COMMD10: variants seen among roughly 807,000 people sequenced by gnomAD.
COMMD10 encodes the protein COMM domain-containing protein 10.
A neutral mutation model predicts 28.9 loss-of-function variants in COMMD10; 33 were observed. That is an observed-to-expected ratio of 1.14 (90% CI 0.87 to 1.53). The LOEUF is 1.53. COMMD10 is among the 40% of genes most tolerant of loss of function. COMMD10 has a pLI of 0.00. For missense variants in COMMD10, 310 were observed against 233.4 expected (o/e 1.33, Z -2.14); for synonymous variants, 110 against 81.7 (o/e 1.35, Z -1.87).
chr5:116,234,986 AGTCT>A (rs1266505232), intron 5 of COMMD10, among the ~76,000 whole-genome samples: 6 of 152,230 alleles, frequency 3.9e-5, no homozygotes, highest in African/African-American at 1.2e-4. Context: ...ACCTTCACCT[AGTCT>A]GTCTATCTCT....
intron 4 of COMMD10, among the ~76,000 whole-genome samples, chr5:116,117,742 A>G (rs763932214): frequency 5.3e-5 from 8 of 152,164 alleles, no homozygotes; most frequent in Non-Finnish European, 7.4e-5. Flanking sequence ...CTAGGATTAC[A>G]GGTGTGAGCC....
At chr5:116,161,532 A>G (rs1259758805) in intron 5 of COMMD10, among the ~76,000 whole-genome samples, 1 of 152,112 alleles carries the variant, frequency 6.6e-6, no homozygotes, top group Non-Finnish European at 1.5e-5. Flanking sequence ...CTAGTTGCCT[A>G]CTGTTACCCA....
chr5:116,203,114 G>A (rs991679589), intron 5 of COMMD10, among the ~76,000 whole-genome samples: 3 of 152,064 alleles, frequency 2.0e-5, no homozygotes, highest in African/African-American at 7.2e-5. Flanking sequence ...TGGCTAGCCA[G>A]TTTTCCCAGC....
intron 5 of COMMD10, among the ~76,000 whole-genome samples, chr5:116,237,682 C>T (rs6885461): frequency 0.13 from 20,125 of 152,126 alleles, 1,546 homozygotes; most frequent in African/African-American, 0.22. Flanking sequence ...CTGAAGTACT[C>T]TTAGGAAATA....
chr5:116,146,161 G>A lies in COMMD10; in HGVS notation c.510+11983G>A, dbSNP rs190226972. Among the ~76,000 whole-genome samples, 871 of 151,894 alleles carry A rather than the reference G, an allele frequency of 5.7e-3. 8 individuals carry two copies. Among genetic ancestry groups the A allele is most frequent in the African/African-American group, 0.019 (806 of 41,472 alleles). ...TAAAACTTGAAAGCTGGTCTTTTGCGAACCTTTACCCTGCATCACCTTGGA... is the reference window on the plus strand; with the variant it reads ...TAAAACTTGAAAGCTGGTCTTTTGCAAACCTTTACCCTGCATCACCTTGGA... On this transcript the variant is annotated intron_variant, in intron 5 of 6. Coordinates refer to ENST00000274458, the MANE Select transcript of COMMD10 (RefSeq NM_016144.4).
In COMMD10 at chr5:116,277,229, A is replaced by G. The variant is rs75480460; in HGVS notation, c.511-14288A>G. Among the ~76,000 whole-genome samples, 145 of 151,944 alleles carry G rather than the reference A, an allele frequency of 9.5e-4. 1 individual carries two copies. The highest frequency in any genetic ancestry group is 3.4e-3 in the African/African-American group (140 of 41,254). On this transcript the variant is annotated intron_variant, in intron 5 of 6. Coordinates refer to ENST00000274458, the MANE Select transcript of COMMD10 (RefSeq NM_016144.4). ...TATTTCAAACATAAAATAAAACCTT[A>G]TTAGCTCCAGATATACTAAGGATTA...
At chr5:116,201,687 C>T (rs1174515518) in intron 5 of COMMD10, among the ~76,000 whole-genome samples, 1 of 152,020 alleles carries the variant, frequency 6.6e-6, no homozygotes, top group East Asian at 1.9e-4. Context: ...GACCAGAAAC[C>T]AGAAATCCCA....
chr5:116,277,887 C>G (rs1580606601), intron 5 of COMMD10, among the ~76,000 whole-genome samples: 2 of 151,770 alleles, frequency 1.3e-5, no homozygotes, highest in South Asian at 2.1e-4. Context: ...CATAGTAGCT[C>G]CTGAAAGTAC....
chr5:116,217,822 C>T (rs1010131429), intron 5 of COMMD10, among the ~76,000 whole-genome samples: 1 of 152,062 alleles, frequency 6.6e-6, no homozygotes, highest in Non-Finnish European at 1.5e-5. Context: ...GTTTTCCCCA[C>T]ATCAATCCAG....
chr5:116,268,349 A>T (rs1225243524), intron 5 of COMMD10, among the ~76,000 whole-genome samples: 1 of 151,912 alleles, frequency 6.6e-6, no homozygotes, highest in Non-Finnish European at 1.5e-5. Context: ...CACATGAAAA[A>T]ATGCTCATCA....
intron 5 of COMMD10, among the ~76,000 whole-genome samples, chr5:116,139,287 T>C (rs1481044708): frequency 1.3e-5 from 2 of 151,796 alleles, no homozygotes; most frequent in African/African-American, 2.4e-5. Flanking sequence ...TTTATTCTTA[T>C]GTAGTAAGTA....
In COMMD10 at chr5:116,223,301, A is replaced by G. The variant is rs564755853; in HGVS notation, c.511-68216A>G. On this transcript the variant is annotated intron_variant, in intron 5 of 6. Coordinates refer to ENST00000274458, the MANE Select transcript of COMMD10 (RefSeq NM_016144.4). ...TTTATTTAGTATTGAGAAGTATAAG[A>G]TAAGTTAAATGTATACACCAGAGAA... Among the ~76,000 whole-genome samples the G allele has an allele frequency of 1.1e-3, 174 of 152,198 alleles. 1 individual carries two copies. Among genetic ancestry groups the G allele is most frequent in the Non-Finnish European group, 2.0e-3 (136 of 67,996 alleles).
Position 116,255,366 on chromosome 5 carries a change from G to A in COMMD10, c.511-36151G>A, listed in dbSNP as rs181272662. Among the ~76,000 whole-genome samples the A allele has an allele frequency of 2.0e-3, 298 of 151,440 alleles. 5 individuals are homozygous for A. The highest frequency in any genetic ancestry group is 6.4e-3 in the East Asian group (33 of 5,150). On this transcript the variant is annotated intron_variant, in intron 5 of 6. Coordinates refer to ENST00000274458, the MANE Select transcript of COMMD10 (RefSeq NM_016144.4). ...ATGATGTTAGCTGGTTATTTTGCTC[G>A]TTAGTTGATGCAGTTTCTTCCTAGT...
chr5:116,153,879 G>T (rs773806394), intron 5 of COMMD10, among the ~76,000 whole-genome samples: 9 of 152,098 alleles, frequency 5.9e-5, no homozygotes. Context: ...TAAAGGGTTG[G>T]GTTGAGAATT....
chr5:116,130,200 G>T (rs1751819106), intron 4 of COMMD10, among the ~76,000 whole-genome samples: 1 of 151,852 alleles, frequency 6.6e-6, no homozygotes. Flanking sequence ...TGTAGAATGT[G>T]CTTACTGTAT....
At chr5:116,268,149 A>G (rs1205896490) in intron 5 of COMMD10, among the ~76,000 whole-genome samples, 3 of 151,988 alleles carry the variant, frequency 2.0e-5, no homozygotes, top group Admixed American at 1.3e-4. Flanking sequence ...AACTACCATT[A>G]GAATGAACAG....
chr5:116,257,116 A>C (rs1422560907), intron 5 of COMMD10, among the ~76,000 whole-genome samples: 2 of 151,804 alleles, frequency 1.3e-5, no homozygotes, highest in Non-Finnish European at 2.9e-5. Flanking sequence ...TGAGAGATCA[A>C]GAAATGGGTC....
In COMMD10 at chr5:116,257,305, C is replaced by G. The variant is rs749497571; in HGVS notation, c.511-34212C>G. ...GATTTTCAGATTAGGGATGCACAAC[C>G]TTTACAAAGGGCCTTTATAGAGATT... On this transcript the variant is annotated intron_variant, in intron 5 of 6. Transcript: ENST00000274458. 5.3e-5 allele frequency among the ~76,000 whole-genome samples: 8 copies of G among 151,606 alleles called. 1 individual carries two copies. Among genetic ancestry groups the G allele is most frequent in the Non-Finnish European group, 8.8e-5 (6 of 67,932 alleles).
chr5:116,181,577 A>T (rs1168592331), intron 5 of COMMD10, among the ~76,000 whole-genome samples: 1 of 151,810 alleles, frequency 6.6e-6, no homozygotes, highest in Non-Finnish European at 1.5e-5. Context: ...AGGAAATAAT[A>T]ATAGGAAGTC....
Sources: allele counts gnomAD v4.1 joint callset (sites outside exome capture counted in the v4.1 genomes callset), GRCh38; gene constraint gnomAD v4.1.1; transcripts MANE v1.5; gene names NCBI Gene and HGNC (gene_info 2026-07-23, HGNC 2026-07-21).